Variants in RP1 observed in about 807,000 individuals in gnomAD.
RP1 encodes the protein RP1 axonemal microtubule associated.
A neutral mutation model predicts 14.8 loss-of-function variants in RP1; 16 were observed. The ratio of observed to expected loss-of-function variants is 1.08; its 90% CI spans 0.73 to 1.65. The LOEUF is 1.65. Among genes scored for constraint, RP1 ranks in the 40% most tolerant of loss-of-function variants. RP1 has a pLI of 0.00. For synonymous variants in RP1, 876 were observed against 883.6 expected, an observed-to-expected ratio of 0.99 and a Z score of 0.15; for missense variants, 2,631 against 2,535.0, an observed-to-expected ratio of 1.04 and a Z score of -0.81.
chr8:54,852,723 G>A, exon 26 of RP1: 1 of 1,231,930 alleles, frequency 8.1e-7, no homozygotes. Flanking sequence ...GTTTCAGCGT[G>A]GACAGGTAAT....
chr8:54,807,978 CA>C (rs11310545), intron 24 of RP1, among the ~76,000 whole-genome samples: 111,935 of 146,606 alleles, frequency 0.76, 42,763 homozygotes, highest in African/African-American at 0.87. Flanking sequence ...TGATCTTATC[CA>C]AAAAAAAAAA....
rs1343034532 is a variant in RP1, at chr8:54,853,507, T to C, written c.3990+779T>C. On this transcript the variant is annotated intron_variant, in intron 26 of 28. Coordinates refer to the RP1 transcript ENST00000637698. Reference sequence around the variant, plus strand: ...GAGCAGCCTTGGGGGACAGAACTCATGTCTTATGGCCGTGCACAGATAAAC... The same window carrying C: ...GAGCAGCCTTGGGGGACAGAACTCACGTCTTATGGCCGTGCACAGATAAAC... 2.0e-5 allele frequency among the ~76,000 whole-genome samples: 3 copies of C among 152,202 alleles called. No individual in the cohort carries two copies. The East Asian group carries it at 5.8e-4, about 29-fold the overall frequency.
At chr8:54,617,078 C>T (rs767004881) in intron 1 of RP1, among the ~76,000 whole-genome samples, 2 of 152,198 alleles carry the variant, frequency 1.3e-5, no homozygotes, top group Non-Finnish European at 2.9e-5. Flanking sequence ...GAAGAAGAGA[C>T]GATATTGGTA....
chr8:54,758,949 T>C (rs755031444), exon 22 of RP1: 2 of 1,535,882 alleles, frequency 1.3e-6, no homozygotes, highest in South Asian at 1.2e-5. Flanking sequence ...AGCAGCAGTG[T>C]CGCTTGGAAA....
intron 12 of RP1, among the ~76,000 whole-genome samples, chr8:54,691,187 T>C (rs1807701581): frequency 6.6e-6 from 1 of 152,014 alleles, no homozygotes; most frequent in African/African-American, 2.4e-5. Flanking sequence ...TAGGTTTTTG[T>C]AATATGGCAA....
At chr8:54,667,198 T>C (rs910110320) in intron 7 of RP1, among the ~76,000 whole-genome samples, 1 of 152,094 alleles carries the variant, frequency 6.6e-6, no homozygotes, top group Non-Finnish European at 1.5e-5. Context: ...GGAGAGGAAC[T>C]TGTGCTTTTG....
intron 25 of RP1, among the ~76,000 whole-genome samples, chr8:54,840,859 CAGA>C (rs574919599): frequency 5.1e-4 from 77 of 152,216 alleles, no homozygotes; most frequent in African/African-American, 1.8e-3. Flanking sequence ...TTTTCTCCAG[CAGA>C]AGAATATAAT....
exon 15 of RP1, chr8:54,706,594 T>C (rs1452709832): frequency 1.3e-6 from 2 of 1,536,100 alleles, no homozygotes; most frequent in South Asian, 2.4e-5. Flanking sequence ...ATTTGCATGT[T>C]TGAAAGTGTG....
chr8:54,696,809 G>A, intron 12 of RP1: 1 of 731,186 alleles, frequency 1.4e-6, no homozygotes, highest in South Asian at 1.4e-5. Context: ...GGAACGTTAT[G>A]TGACCTGCGG....
rs114066347 is a variant in RP1, at chr8:54,784,731, G to T, written c.3615+1021G>T. On this transcript the variant is annotated intron_variant, in intron 24 of 28. Transcript: ENST00000637698. ...AAATCCTTATGACATCCCAAATCATGTTATCTATTTCTGCCATACAACATA... is the reference window on the plus strand; with the variant it reads ...AAATCCTTATGACATCCCAAATCATTTTATCTATTTCTGCCATACAACATA... Among the ~76,000 whole-genome samples the T allele has an allele frequency of 3.3e-3, 506 of 152,040 alleles. 1 individual carries two copies. Among genetic ancestry groups the T allele is most frequent in the African/African-American group, 0.012 (482 of 41,508 alleles).
At chr8:54,740,472 C>T (rs978051803) in intron 19 of RP1, among the ~76,000 whole-genome samples, 1 of 148,738 alleles carries the variant, frequency 6.7e-6, no homozygotes. Context: ...ACCTATAATC[C>T]TAGCACTTTG....
Position 54,841,743 on chromosome 8 carries a change from G to A in RP1, c.3835+4074G>A, listed in dbSNP as rs192387473. 2.7e-3 allele frequency among the ~76,000 whole-genome samples: 408 copies of A among 152,264 alleles called. 2 individuals are homozygous for A. Among genetic ancestry groups the A allele is most frequent in the African/African-American group, 9.2e-3 (383 of 41,532 alleles). On this transcript the variant is annotated intron_variant, in intron 25 of 28. Coordinates refer to the RP1 transcript ENST00000637698. ...TTGTCCTGAAGAGTCTTTAGTTAAC[G>A]GCCTGGCAGTGATGCTTAGGGCTGA... is the stretch of plus-strand genomic sequence containing the variant.
intron 7 of RP1, among the ~76,000 whole-genome samples, chr8:54,672,395 A>G (rs1288668187): frequency 6.6e-6 from 1 of 152,188 alleles, no homozygotes; most frequent in Admixed American, 6.6e-5. Flanking sequence ...GGGGTAGGGC[A>G]TGGGCATGTA....
chr8:54,576,063 C>T (rs1804634069), intron 1 of RP1, among the ~76,000 whole-genome samples: 2 of 134,396 alleles, frequency 1.5e-5, no homozygotes, highest in South Asian at 2.3e-4. Flanking sequence ...TTTTTTGAGA[C>T]GGAGTCTCAC....
chr8:54,648,897 A>G, intron 3 of RP1: 2 of 889,636 alleles, frequency 2.2e-6, no homozygotes, highest in Non-Finnish European at 3.1e-6. Context: ...TCTATCCTGA[A>G]CTCTCCTAGT....
intron 24 of RP1, among the ~76,000 whole-genome samples, chr8:54,802,092 A>G (rs1378007889): frequency 6.6e-6 from 1 of 152,204 alleles, no homozygotes; most frequent in African/African-American, 2.4e-5. Flanking sequence ...ATAAAGGCTC[A>G]GTAACCCAGC....
chr8:54,841,668 C>T (rs1563392956), intron 25 of RP1, among the ~76,000 whole-genome samples: 1 of 152,140 alleles, frequency 6.6e-6, no homozygotes, highest in Admixed American at 6.5e-5. Flanking sequence ...TCACCATCCG[C>T]GGTGTTGGTT....
chr8:54,734,562 C>T lies in RP1; in HGVS notation c.2539C>T (p.Gln847Ter). Residue 847 changes from glutamine to a stop codon, truncating the protein, a stop_gained, in exon 18 of 23, where the codon CAA (glutamine) becomes TAA (stop). Transcript: ENST00000636932. LOFTEE classifies it high-confidence loss of function. Reference sequence around the variant, plus strand: ...CCCCATAGAAGAAATCAGACATTTCCAAAGTAGTGAGACTCTTCTGTCAGA... The same window carrying T: ...CCCCATAGAAGAAATCAGACATTTCTAAAGTAGTGAGACTCTTCTGTCAGA... 1 of 1,534,666 alleles carries T rather than the reference C, an allele frequency of 6.5e-7. No homozygotes were observed. The highest frequency in any genetic ancestry group is 8.7e-7 in the Non-Finnish European group (1 of 1,146,134).
chr8:54,785,033 G>T (rs889846072), intron 24 of RP1, among the ~76,000 whole-genome samples: 2 of 151,812 alleles, frequency 1.3e-5, no homozygotes, highest in African/African-American at 4.8e-5. Flanking sequence ...TCAAATCAGG[G>T]TAAAAAAACA....
Sources: allele counts gnomAD v4.1 joint callset (sites outside exome capture counted in the v4.1 genomes callset), GRCh38; gene constraint gnomAD v4.1.1; transcripts MANE v1.5; gene names NCBI Gene and HGNC (gene_info 2026-07-23, HGNC 2026-07-21).